Variants in LRBA observed in about 807,000 individuals in gnomAD.
LRBA encodes LPS responsive beige-like anchor protein.
In LRBA, 176 loss-of-function variants were observed where a neutral mutation model predicts 330.0. That is an observed-to-expected ratio of 0.53 (90% CI 0.47 to 0.60). LRBA has a LOEUF of 0.60. Ranked by LOEUF, LRBA falls within the 20% of genes least tolerant of loss-of-function variation. The pLI is 0.00. For synonymous variants in LRBA, 1,230 were observed against 1,193.0 expected (o/e 1.03, Z -0.64); for missense variants, 3,259 against 3,444.8 (o/e 0.95, Z 1.35).
At chr4:150,948,715 G>C (rs1561044190) in intron 2 of LRBA, among the ~76,000 whole-genome samples, 1 of 151,568 alleles carries the variant, frequency 6.6e-6, no homozygotes, top group African/African-American at 2.4e-5. Flanking sequence ...TCTGACAAAA[G>C]AATAATATCT....
chr4:150,646,529 G>C (rs1335304728), intron 37 of LRBA, among the ~76,000 whole-genome samples: 1 of 152,068 alleles, frequency 6.6e-6, no homozygotes, highest in Non-Finnish European at 1.5e-5. Context: ...GGGATACTTG[G>C]TAAATAAATA....
chr4:150,949,296 C>G (rs1259415011), intron 2 of LRBA, among the ~76,000 whole-genome samples: 1 of 152,058 alleles, frequency 6.6e-6, no homozygotes, highest in East Asian at 1.9e-4. Flanking sequence ...ACACAGCAAT[C>G]TAGAAGAATC....
At chr4:150,975,346 G>A (rs561524886) in intron 2 of LRBA, among the ~76,000 whole-genome samples, 48 of 151,730 alleles carry the variant, frequency 3.2e-4, no homozygotes, top group Non-Finnish European at 6.0e-4. Flanking sequence ...CCTGGCCAAC[G>A]TGGTGAAACC....
At chr4:150,943,616 T>A (rs1398416317) in intron 2 of LRBA, among the ~76,000 whole-genome samples, 1 of 152,222 alleles carries the variant, frequency 6.6e-6, no homozygotes, top group Non-Finnish European at 1.5e-5. Context: ...CTTCAGAAGT[T>A]TTTCAGGTAA....
intron 53 of LRBA, among the ~76,000 whole-genome samples, chr4:150,301,397 C>T (rs186358728): frequency 2.0e-5 from 3 of 152,024 alleles, no homozygotes; most frequent in African/African-American, 7.2e-5. Context: ...ACAGGCTTAA[C>T]ATTATTTTTC....
chr4:150,269,268 T>G (rs1162626462), intron 56 of LRBA, among the ~76,000 whole-genome samples: 1 of 152,218 alleles, frequency 6.6e-6, no homozygotes, highest in Non-Finnish European at 1.5e-5. Flanking sequence ...GTTGTTACAA[T>G]GCGACAGTAA....
chr4:150,761,958 A>G (rs1242872117), intron 34 of LRBA, 111 bp from the exon 35 acceptor site: 2 of 653,166 alleles, frequency 3.1e-6, no homozygotes, highest in Non-Finnish European at 5.4e-6. Context: ...CCTAACTCTT[A>G]AAAGTTATGT....
At chr4:150,585,360 C>T (rs953393098) in intron 40 of LRBA, among the ~76,000 whole-genome samples, 3 of 152,110 alleles carry the variant, frequency 2.0e-5, no homozygotes, top group Non-Finnish European at 4.4e-5. Flanking sequence ...TATTCTGAAA[C>T]TGCTTATATG....
rs138600710 is a variant in LRBA, at chr4:150,956,892, C to T, written c.217-27827G>A. On this transcript the variant is annotated intron_variant, in intron 2 of 56. Transcript: ENST00000651943. ...CTGACAAAGGGCATCTATGAAAATC[C>T]CACAGCTAACATCATACTTAATGGA... 3.4e-4 allele frequency among the ~76,000 whole-genome samples: 50 copies of T among 149,092 alleles called. 1 individual carries two copies. Among genetic ancestry groups the T allele is most frequent in the Non-Finnish European group, 6.2e-4 (42 of 67,988 alleles).
intron 37 of LRBA, among the ~76,000 whole-genome samples, chr4:150,609,538 T>C (rs1775014784): frequency 6.6e-6 from 1 of 152,206 alleles, no homozygotes; most frequent in Non-Finnish European, 1.5e-5. Flanking sequence ...TTCTTCATAA[T>C]CTAGTGAAGT....
chr4:150,411,048 C>T (rs990864794), intron 47 of LRBA, among the ~76,000 whole-genome samples: 3 of 151,946 alleles, frequency 2.0e-5, no homozygotes, highest in Non-Finnish European at 2.9e-5. Flanking sequence ...AAATTTTTTT[C>T]CTAGTTCAGG....
At chr4:150,562,266 C>T (rs909166105) in intron 40 of LRBA, among the ~76,000 whole-genome samples, 4 of 152,228 alleles carry the variant, frequency 2.6e-5, no homozygotes, top group Admixed American at 1.3e-4. Context: ...GAGTATTCAC[C>T]GGTTGCTTTC....
chr4:150,354,089 G>A (rs1246183341), intron 47 of LRBA, among the ~76,000 whole-genome samples: 2 of 151,918 alleles, frequency 1.3e-5, no homozygotes, highest in Non-Finnish European at 2.9e-5. Context: ...GAGAAGGACA[G>A]GCAGGAAGAA....
At chr4:150,986,873 G>A (rs1741520627) in intron 2 of LRBA, among the ~76,000 whole-genome samples, 1 of 152,160 alleles carries the variant, frequency 6.6e-6, no homozygotes, top group Non-Finnish European at 1.5e-5. Flanking sequence ...TGATACTCGT[G>A]CGATAGGTGA....
intron 41 of LRBA, among the ~76,000 whole-genome samples, chr4:150,489,605 A>C (rs1264226234): frequency 1.4e-5 from 1 of 70,028 alleles, no homozygotes; most frequent in Non-Finnish European, 3.0e-5. Flanking sequence ...AAGAATATAT[A>C]ATATATAATA....
At position 150,639,369 on chromosome 4, in the gene LRBA, A is replaced by AAC. The variant is rs1435939245; in HGVS notation, c.5922-40239_5922-40238insGT. Among the ~76,000 whole-genome samples, 71 of 148,214 alleles carry AAC rather than the reference A, an allele frequency of 4.8e-4. 1 individual carries two copies. Among genetic ancestry groups the AAC allele is most frequent in the Non-Finnish European group, 6.9e-4 (46 of 66,942 alleles). On this transcript the variant is annotated intron_variant, in intron 37 of 56. Coordinates refer to ENST00000651943, the MANE Select transcript of LRBA (RefSeq NM_001364905.1). Reference sequence around the variant, plus strand: ...AAAACTTAAAGTATAATAAAAAAAAAAAAGAAAAAAAAAAACAAAGAAAAA... The same window carrying AAC: ...AAAACTTAAAGTATAATAAAAAAAAAACAAAGAAAAAAAAAAACAAAGAAAAA...
chr4:150,646,770 G>C (rs1190006261), intron 37 of LRBA, among the ~76,000 whole-genome samples: 1 of 151,988 alleles, frequency 6.6e-6, no homozygotes, highest in African/African-American at 2.4e-5. Context: ...TCAAAAATCT[G>C]GAATTTGAAA....
chr4:150,626,331 T>G (rs2126650137), intron 37 of LRBA, among the ~76,000 whole-genome samples: 1 of 152,266 alleles, frequency 6.6e-6, no homozygotes, highest in Non-Finnish European at 1.5e-5. Context: ...ATACTAAAAT[T>G]TTACAGTTAA....
intron 36 of LRBA, chr4:150,721,513 G>GTTT: frequency 5.6e-5 from 11 of 196,440 alleles, no homozygotes; most frequent in Middle Eastern, 2.1e-3. Flanking sequence ...GAAGAACTGG[G>GTTT]TTTTTTTTTT....
Sources: gnomAD v4.1 joint callset for allele counts (sites outside exome capture counted in the v4.1 genomes callset) on GRCh38, gnomAD v4.1.1 for gene constraint, MANE v1.5 for transcripts, NCBI Gene and HGNC (gene_info 2026-07-23, HGNC 2026-07-21) for gene names.